The following TTLL2 variants were observed in gnomAD, a reference collection of about 807,000 sequenced individuals.
TTLL2 encodes tubulin tyrosine ligase like 2, also known as probable tubulin polyglutamylase TTLL2.
TTLL2 carries 10 observed loss-of-function variants against 7.5 expected under a neutral mutation model. The ratio of observed to expected loss-of-function variants is 1.33; its 90% CI spans 0.82 to 2.25. The LOEUF is 2.25. TTLL2 is among the 30% of genes most tolerant of loss of function. TTLL2 has a pLI of 0.00. For missense variants in TTLL2, 733 were observed against 735.7 expected, an observed-to-expected ratio of 1.00 and a Z score of 0.04; for synonymous variants, 284 against 280.3, an observed-to-expected ratio of 1.01 and a Z score of -0.13.
In TTLL2 at chr6:167,330,567, CA is replaced by C. The variant is rs67587383; in HGVS notation, c.47+5356del. Among the ~76,000 whole-genome samples the C allele has an allele frequency of 2.1e-3, 309 of 149,000 alleles. 6 individuals are homozygous for C. The highest frequency in any genetic ancestry group is 7.1e-3 in the African/African-American group (288 of 40,480). On this transcript the variant is annotated intron_variant, in intron 1 of 2. Coordinates refer to ENST00000239587, the MANE Select transcript of TTLL2 (RefSeq NM_031949.5). ...AAAGCGAAAATCCATCTCACAACAA[CA>C]AAAAAAAAGAAAAAAGAAAGAAAGA...
In TTLL2 at chr6:167,340,287, T is replaced by C; in HGVS notation, c.387T>C (p.Ser129=). ...GGAACCTGTACTGGAGGACATCCTCTTTCCGAATGACCGAACACAACAGTG... is the reference window on the plus strand; with the variant it reads ...GGAACCTGTACTGGAGGACATCCTCCTTCCGAATGACCGAACACAACAGTG... ...EDWNLYWRTS[S]FRMTEHNSVK... is the part of the protein sequence containing the mutation. Residue 129 remains serine (S), a synonymous_variant, in exon 3 of 3, where the codon TCT becomes TCC. Transcript: ENST00000239587. 1 of 1,614,104 alleles carries C rather than the reference T, an allele frequency of 6.2e-7. No individual in the cohort carries two copies. Among genetic ancestry groups the C allele is most frequent in the South Asian group, 1.1e-5 (1 of 91,072 alleles).
chr6:167,327,350 G>A (rs1005366066), intron 1 of TTLL2, among the ~76,000 whole-genome samples: 4 of 152,190 alleles, frequency 2.6e-5, no homozygotes, highest in African/African-American at 9.7e-5. Context: ...CTGTTCTTGG[G>A]TAAAGATCTT....
chr6:167,325,427 C>T (rs1012787999), intron 1 of TTLL2, among the ~76,000 whole-genome samples: 1 of 152,180 alleles, frequency 6.6e-6, no homozygotes, highest in African/African-American at 2.4e-5. Context: ...ATGTACTTTT[C>T]AATCCAAAAA....
chr6:167,332,549 G>A (rs532332453), intron 1 of TTLL2, among the ~76,000 whole-genome samples: 30 of 150,822 alleles, frequency 2.0e-4, no homozygotes, highest in African/African-American at 6.1e-4. Flanking sequence ...CCATTTTCAC[G>A]ATATTGATTC....
chr6:167,330,975 G>A (rs1168677272), intron 1 of TTLL2, among the ~76,000 whole-genome samples: 3 of 152,140 alleles, frequency 2.0e-5, no homozygotes, highest in Non-Finnish European at 4.4e-5. Flanking sequence ...TTGTCCAGCC[G>A]GACCCAGTCG....
At position 167,341,219 on chromosome 6, in the gene TTLL2, C is replaced by T; in HGVS notation, c.1319C>T (p.Ala440Val). Residue 440 changes from alanine to valine, a missense_variant, in exon 3 of 3, where the codon GCA becomes GTA. Physicochemically the swap from Ala to Val is moderately conservative, Grantham distance 64. Transcript: ENST00000239587. ...CATGGAAATTCCAACATCGACGCTG[C>T]AAAAAGTGACAGAGGTGGGCTTGAT... ...ATHGNSNIDA[A>V]KSDRGGLDAP... 1 of 1,612,934 alleles carries T rather than the reference C, an allele frequency of 6.2e-7. No individual in the cohort carries two copies. Among genetic ancestry groups the T allele is most frequent in the Non-Finnish European group, 8.5e-7 (1 of 1,179,754 alleles).
In TTLL2 at chr6:167,342,302, A is replaced by C. The variant is rs1325029818; in HGVS notation, c.*623A>C. ...GTCACCATTTGTTTACCATCACAGC[A>C]TGTGAGGTCATGGCCTCCCAGATCA... is the stretch of plus-strand genomic sequence containing the variant. On this transcript the variant is annotated 3_prime_UTR_variant, in exon 3 of 3. Coordinates refer to ENST00000239587, the MANE Select transcript of TTLL2 (RefSeq NM_031949.5). Among the ~76,000 whole-genome samples, 1 of 152,212 alleles carries C rather than the reference A, an allele frequency of 6.6e-6. No homozygotes were observed. Among genetic ancestry groups the C allele is most frequent in the African/African-American group, 2.4e-5 (1 of 41,440 alleles).
chr6:167,329,786 G>T (rs1778896763), intron 1 of TTLL2, among the ~76,000 whole-genome samples: 1 of 152,148 alleles, frequency 6.6e-6, no homozygotes, highest in Non-Finnish European at 1.5e-5. Flanking sequence ...TGTGTTATTT[G>T]TATCTTTCGT....
At chr6:167,331,469 A>G (rs1295971169) in intron 1 of TTLL2, among the ~76,000 whole-genome samples, 1 of 152,000 alleles carries the variant, frequency 6.6e-6, no homozygotes, top group Non-Finnish European at 1.5e-5. Flanking sequence ...AATTAGATCC[A>G]CTGTTTTTTT....
intron 1 of TTLL2, among the ~76,000 whole-genome samples, chr6:167,329,057 C>A (rs753636930): frequency 6.6e-6 from 1 of 152,074 alleles, no homozygotes; most frequent in Admixed American, 6.5e-5. Flanking sequence ...GTGTCATTGA[C>A]AAAAGAGCAC....
Position 167,341,536 on chromosome 6 carries a change from G to A in TTLL2, c.1636G>A (p.Gly546Ser), listed in dbSNP as rs1250855811. 1 of 1,614,132 alleles carries A rather than the reference G, an allele frequency of 6.2e-7. No individual in the cohort carries two copies. The highest frequency in any genetic ancestry group is 1.1e-5 in the South Asian group (1 of 91,084). The part of the protein sequence containing the change: ...KTSPCVLSDR[G>S]KAPDPQAGNF... ...CTCCCCGTGTGTCCTGTCAGACCGT[G>A]GCAAAGCTCCAGATCCCCAAGCAGG... is the stretch of plus-strand genomic sequence containing the variant. The change falls in exon 3 of 3, where the codon GGC becomes AGC. Residue 546 changes from glycine (G) to serine (S), a missense_variant. By Grantham distance (56) the Gly-to-Ser change is moderately conservative. Coordinates refer to ENST00000239587, the MANE Select transcript of TTLL2 (RefSeq NM_031949.5).
chr6:167,337,307 C>T (rs1227749198), intron 1 of TTLL2, among the ~76,000 whole-genome samples: 2 of 152,202 alleles, frequency 1.3e-5, no homozygotes, highest in South Asian at 2.1e-4. Flanking sequence ...GCCTGGGCAG[C>T]CCTGGGAAGG....
At chr6:167,337,562 G>A (rs1358527866) in intron 1 of TTLL2, among the ~76,000 whole-genome samples, 1 of 152,218 alleles carries the variant, frequency 6.6e-6, no homozygotes, top group Non-Finnish European at 1.5e-5. Context: ...AGGTGGGGGT[G>A]CCAGAGACTG....
intron 1 of TTLL2, among the ~76,000 whole-genome samples, chr6:167,335,371 T>A (rs1778971953): frequency 6.6e-6 from 1 of 150,920 alleles, no homozygotes; most frequent in Non-Finnish European, 1.5e-5. Context: ...ACACTGTTGG[T>A]GGGACTGTAA....
chr6:167,328,338 C>T (rs1583107008), intron 1 of TTLL2: 2 of 317,748 alleles, frequency 6.3e-6, no homozygotes, highest in East Asian at 7.5e-5. Flanking sequence ...TTATTTTTGG[C>T]TGACTTCCTT....
intron 1 of TTLL2, among the ~76,000 whole-genome samples, chr6:167,325,758 A>G (rs1412066137): frequency 2.6e-5 from 4 of 152,218 alleles, no homozygotes; most frequent in African/African-American, 9.6e-5. Context: ...GGGAAAAGAA[A>G]ATCCCCCCAG....
intron 1 of TTLL2, among the ~76,000 whole-genome samples, chr6:167,337,293 G>C (rs906229820): frequency 1.3e-4 from 20 of 152,338 alleles, no homozygotes; most frequent in African/African-American, 4.3e-4. Flanking sequence ...ACCCGGCATG[G>C]CTTGCCTGGG....
Position 167,338,659 on chromosome 6 carries a change from C to A in TTLL2, c.60C>A (p.Thr20=). 1 of 1,612,834 alleles carries A rather than the reference C, an allele frequency of 6.2e-7. No individual in the cohort carries two copies. Among genetic ancestry groups the A allele is most frequent in the South Asian group, 1.1e-5 (1 of 90,902 alleles). The change falls in exon 2 of 3, where the codon ACC becomes ACA. Residue 20 remains threonine (T), a synonymous_variant. Coordinates refer to ENST00000239587, the MANE Select transcript of TTLL2 (RefSeq NM_031949.5). ...GCTTTGTTCACAGATCTTTGAGAAC[C>A]ACCACCCCAGCCTTTACCCTTAACA... ...TQSQALGSLR[T]TTPAFTLNIP...
At chr6:167,331,946 G>A (rs1276325646) in intron 1 of TTLL2, among the ~76,000 whole-genome samples, 1 of 152,134 alleles carries the variant, frequency 6.6e-6, no homozygotes, top group Non-Finnish European at 1.5e-5. Flanking sequence ...GTGACTCTGG[G>A]GGCTGTATGA....
Sources: gnomAD v4.1 joint callset for allele counts (sites outside exome capture counted in the v4.1 genomes callset) on GRCh38, gnomAD v4.1.1 for gene constraint, MANE v1.5 for transcripts, NCBI Gene and HGNC (gene_info 2026-07-23, HGNC 2026-07-21) for gene names.